PFKFB2: variants seen among roughly 807,000 people sequenced by gnomAD.
The protein encoded by PFKFB2 is 6-phosphofructo-2-kinase/fructose-2,6-bisphosphatase 2.
PFKFB2 carries 53 observed loss-of-function variants against 68.0 expected under a neutral mutation model. The observed-to-expected ratio is 0.78, with a 90% CI of 0.63 to 0.98. PFKFB2 has a LOEUF of 0.98. PFKFB2 is among the 50% of genes least tolerant of loss of function. The probability of loss-of-function intolerance (pLI) is 0.00; values close to 1 mark genes in which losing one functional copy is unlikely to be tolerated. For synonymous variants in PFKFB2, 222 were observed against 227.6 expected (o/e 0.98, Z 0.22); for missense variants, 451 against 642.0 (o/e 0.70, Z 3.22).
At chr1:207,058,584 TC>T (rs1682997351) in intron 2 of PFKFB2, among the ~76,000 whole-genome samples, 1 of 152,180 alleles carries the variant, frequency 6.6e-6, no homozygotes, top group Non-Finnish European at 1.5e-5. Context: ...AGTTATCAAG[TC>T]CTCATTTTTT....
At position 207,076,529 on chromosome 1, in the gene PFKFB2, G is replaced by A. The variant is rs1299499923; in HGVS notation, c.*4158G>A. On this transcript the variant is annotated 3_prime_UTR_variant, in exon 15 of 15. Transcript: ENST00000367080. ...GTTGCAGCACTGGTGGGGTAGAATC[G>A]ACTTTCCCTGAAGGTGACACAGATG... The A allele has an allele frequency of 3.1e-6, 3 of 970,740 alleles. No homozygotes were observed. Among genetic ancestry groups the A allele is most frequent in the South Asian group, 4.9e-5 (1 of 20,536 alleles). 60.1% of individuals were successfully genotyped at this position (970,740 alleles called of 1,614,324 possible).
In PFKFB2 at chr1:207,068,750, C is replaced by CT. The variant is rs535759053; in HGVS notation, c.987+454dup. Among the ~76,000 whole-genome samples the CT allele has an allele frequency of 4.0e-3, 584 of 145,384 alleles. 2 individuals are homozygous for CT. Among genetic ancestry groups the CT allele is most frequent in the African/African-American group, 0.01 (408 of 39,926 alleles). ...TGAGTACAAAAGTAGACATTTCTTT[C>CT]TTTTTTTTTTTTTGTGACACGGAGT... is the stretch of plus-strand genomic sequence containing the variant. On this transcript the variant is annotated intron_variant, in intron 10 of 14. Coordinates refer to ENST00000367080, the MANE Select transcript of PFKFB2 (RefSeq NM_006212.2).
chr1:207,077,290 A>C lies in PFKFB2; in HGVS notation c.*4919A>C, dbSNP rs748609059. On this transcript the variant is annotated 3_prime_UTR_variant, in exon 15 of 15. Transcript: ENST00000367080. ...AGCCATGCATTTGGATTTTACACTTAATCTAGTAAGTAAAAATGAGAAGAA... is the reference window on the plus strand; with the variant it reads ...AGCCATGCATTTGGATTTTACACTTCATCTAGTAAGTAAAAATGAGAAGAA... 23 of 984,956 alleles carry C rather than the reference A, an allele frequency of 2.3e-5. No individual in the cohort carries two copies. The highest frequency in any genetic ancestry group is 2.7e-5 in the Non-Finnish European group (22 of 829,478). The allele number at this position is 984,956 out of a possible 1,614,324, so 61.0% of individuals were successfully genotyped here.
At chr1:207,056,992 G>A (rs1008430336) in intron 2 of PFKFB2, among the ~76,000 whole-genome samples, 1 of 152,150 alleles carries the variant, frequency 6.6e-6, no homozygotes, top group African/African-American at 2.4e-5. Flanking sequence ...TCCGGGAAGT[G>A]ACTGGGCTTG....
At chr1:207,056,459 C>T (rs951380655) in intron 2 of PFKFB2, among the ~76,000 whole-genome samples, 1 of 150,682 alleles carries the variant, frequency 6.6e-6, no homozygotes, top group Non-Finnish European at 1.5e-5. Context: ...GGGGCAGGAT[C>T]GATAATTGTG....
At chr1:207,064,154 T>G (rs988036554) in intron 7 of PFKFB2, among the ~76,000 whole-genome samples, 1 of 152,092 alleles carries the variant, frequency 6.6e-6, no homozygotes, top group Non-Finnish European at 1.5e-5. Context: ...ACCTAGATGT[T>G]GGAATAGATC....
In PFKFB2 at chr1:207,042,257, A is replaced by C. The variant is rs560891883; in HGVS notation, c.-18+45A>C. On this transcript the variant is annotated intron_variant, in intron 2 of 5. Coordinates refer to the PFKFB2 transcript ENST00000545806. Reference sequence around the variant, plus strand: ...CTCCAATGCAACATGACCAACATTAAGACTATTGCGGCCAGGCGCAGTGGC... The same window carrying C: ...CTCCAATGCAACATGACCAACATTACGACTATTGCGGCCAGGCGCAGTGGC... 2.6e-5 allele frequency: 4 copies of C among 152,312 alleles called. No homozygotes were observed. In the South Asian group the frequency reaches 8.3e-4, roughly 32 times the overall value. The allele number at this position is 152,312 out of a possible 1,614,324, so 9.4% of individuals were successfully genotyped here.
rs1683523224 is a variant in PFKFB2 at position 207,073,305 on chromosome 1, T to C, written c.*934T>C. 1.0e-6 allele frequency: 1 copy of C among 985,276 alleles called. No individual in the cohort carries two copies. Among genetic ancestry groups the C allele is most frequent in the African/African-American group, 1.7e-5 (1 of 57,212 alleles). The allele number at this position is 985,276 out of a possible 1,614,324, so 61.0% of individuals were successfully genotyped here. A position where few individuals can be genotyped will look rare whatever the true frequency, so the allele number is the denominator to read the frequency against. ...CTCTTGCAGGGCTCTTAGAGAGCAG[T>C]CATGTCTTTTCTCCCATGACTCTCA... On this transcript the variant is annotated 3_prime_UTR_variant, in exon 15 of 15. Transcript: ENST00000367080.
chr1:207,047,455 C>A (rs2629665), intron 2 of PFKFB2: 69,781 of 152,388 alleles, frequency 0.46, 17,189 homozygotes, highest in African/African-American at 0.63. Context: ...ATTTGCTAGG[C>A]AGATATGCTG....
At chr1:207,035,221 G>A (rs750122703) in intron 1 of PFKFB2, 20 of 985,406 alleles carry the variant, frequency 2.0e-5, no homozygotes, top group Non-Finnish European at 2.4e-5. Context: ...CTCTTTGACT[G>A]TCAGAGGCTA....
At chr1:207,052,383 C>G (rs1682775254), upstream of PFKFB2, 3 of 632,792 alleles carry the variant, frequency 4.7e-6, no homozygotes, top group Admixed American at 2.8e-5. Context: ...CCGGGGTGGC[C>G]GGGCGCAGTG....
intron 7 of PFKFB2, among the ~76,000 whole-genome samples, chr1:207,064,629 C>T (rs540936752): frequency 2.0e-5 from 3 of 152,276 alleles, no homozygotes; most frequent in Admixed American, 1.3e-4. Context: ...CTCTCCCAGC[C>T]GTAGGAACTT....
chr1:207,080,478 G>C (rs1315100043), downstream of PFKFB2: 1 of 152,142 alleles, frequency 6.6e-6, no homozygotes, highest in Non-Finnish European at 1.5e-5. Flanking sequence ...CTTCAGGAAG[G>C]CTCCTTACCC....
chr1:207,067,386 G>A, intron 8 of PFKFB2, 113 bp from the exon 9 acceptor site: 1 of 704,070 alleles, frequency 1.4e-6, no homozygotes, highest in Non-Finnish European at 2.4e-6. Flanking sequence ...TGACAGAGGA[G>A]GGGAGGAAGA....
chr1:207,063,097 G>A lies in PFKFB2; in HGVS notation c.309-46G>A, dbSNP rs754413815. 2.0e-6 allele frequency: 3 copies of A among 1,527,046 alleles called. No homozygotes were observed. Among genetic ancestry groups the A allele is most frequent in the Non-Finnish European group, 2.7e-6 (3 of 1,101,798 alleles). 94.6% of individuals were successfully genotyped at this position (1,527,046 alleles called of 1,614,324 possible). A position where few individuals can be genotyped will look rare whatever the true frequency, so the allele number is the denominator to read the frequency against. ...CACCCGAATGTTTGTGTCTCTGACT[G>A]TTTGAGCTTAGCTCTCCTTGCTGGT... is the stretch of plus-strand genomic sequence containing the variant. On this transcript the variant is annotated intron_variant, in intron 4 of 14. Coordinates refer to ENST00000367080, the MANE Select transcript of PFKFB2 (RefSeq NM_006212.2). This position sits in a 1 kb window ranked among gnomAD's most constrained non-coding sequence, Gnocchi z 4.1.
At position 207,076,836 on chromosome 1, in the gene PFKFB2, A is replaced by G. The variant is rs981232838; in HGVS notation, c.*4465A>G. 5.1e-6 allele frequency: 5 copies of G among 985,304 alleles called. No individual in the cohort carries two copies. Among genetic ancestry groups the G allele is most frequent in the Non-Finnish European group, 6.0e-6 (5 of 829,914 alleles). 61.0% of individuals were successfully genotyped at this position (985,304 alleles called of 1,614,324 possible). On this transcript the variant is annotated 3_prime_UTR_variant, in exon 15 of 15. Coordinates refer to ENST00000367080, the MANE Select transcript of PFKFB2 (RefSeq NM_006212.2). ...TTGGGTGTTGCCTGACTAACGGTCT[A>G]GGGTCTGTAAGCTGACAGTCTGCCT...
upstream of PFKFB2, chr1:207,049,391 A>C (rs141568066): frequency 1.9e-6 from 3 of 1,614,008 alleles, no homozygotes; most frequent in Admixed American, 5.0e-5. Flanking sequence ...GACAAAATCG[A>C]TATCTCTATT....
intron 2 of PFKFB2, among the ~76,000 whole-genome samples, chr1:207,060,314 A>G (rs1572720981): frequency 6.6e-6 from 1 of 152,228 alleles, no homozygotes; most frequent in Non-Finnish European, 1.5e-5. Context: ...AGTGAGACTT[A>G]TCTCTGCAAA....
At chr1:207,078,557 G>A (rs1572743025), downstream of PFKFB2, among the ~76,000 whole-genome samples, 1 of 152,266 alleles carries the variant, frequency 6.6e-6, no homozygotes, top group South Asian at 2.1e-4. Flanking sequence ...AAAATAGTAG[G>A]GACCCTCCTC....
Sources: allele counts gnomAD v4.1 joint callset (sites outside exome capture counted in the v4.1 genomes callset), GRCh38; gene constraint gnomAD v4.1.1; non-coding constraint Gnocchi (gnomAD v3.1); transcripts MANE v1.5; gene names NCBI Gene and HGNC (gene_info 2026-07-23, HGNC 2026-07-21).